SAMD5: variants seen among roughly 807,000 people sequenced by gnomAD.
SAMD5 encodes the protein sterile alpha motif domain containing 5, also known as sterile alpha motif domain-containing protein 5.
SAMD5 carries 13 observed loss-of-function variants against 11.3 expected under a neutral mutation model. The ratio of observed to expected loss-of-function variants is 1.15; its 90% confidence interval spans 0.75 to 1.83. The LOEUF (loss-of-function observed/expected upper bound fraction) is 1.83, where lower values mean the gene tolerates loss of function less well. Among genes scored for constraint, SAMD5 ranks in the 40% most tolerant of loss-of-function variants. The pLI is 0.00. For missense variants in SAMD5, 255 were observed against 239.1 expected (o/e 1.07, Z -0.44); for synonymous variants, 129 against 111.3 (o/e 1.16, Z -1.00).
At chr6:147,756,836 T>C in the SAMD5 span, among the ~76,000 whole-genome samples, 1 of 152,266 alleles carries the variant, frequency 6.6e-6, no homozygotes, top group African/African-American at 2.4e-5. Flanking sequence ...CTGATAGTCG[T>C]GTCGTGTAGC....
intron 1 of SAMD5, among the ~76,000 whole-genome samples, chr6:147,587,374 A>G (rs1389296995): frequency 2.6e-5 from 4 of 151,924 alleles, no homozygotes; most frequent in African/African-American, 4.8e-5. Context: ...AGTAGCTGGG[A>G]TTATAGGCAT....
intron 1 of SAMD5, among the ~76,000 whole-genome samples, chr6:147,555,656 A>G (rs374198296): frequency 7.2e-5 from 11 of 152,342 alleles, no homozygotes; most frequent in African/African-American, 2.2e-4. Flanking sequence ...CAAATGACCA[A>G]TACATGATAC....
At chr6:147,577,273 A>G (rs1418359307) in intron 1 of SAMD5, among the ~76,000 whole-genome samples, 1 of 152,252 alleles carries the variant, frequency 6.6e-6, no homozygotes, top group Non-Finnish European at 1.5e-5. Flanking sequence ...TAAAACTTCC[A>G]TGTCCACATT....
the SAMD5 span, among the ~76,000 whole-genome samples, chr6:147,831,968 C>T: frequency 3.9e-5 from 6 of 151,912 alleles, no homozygotes; most frequent in Non-Finnish European, 8.8e-5. Context: ...TCTTACACCA[C>T]ATTTTTCAAG....
intron 1 of SAMD5, among the ~76,000 whole-genome samples, chr6:147,578,663 T>C (rs555549895): frequency 6.6e-6 from 1 of 152,266 alleles, no homozygotes; most frequent in Admixed American, 6.5e-5. Context: ...TCATGTTAGG[T>C]ACTAAAATGC....
chr6:147,875,099 A>G, the SAMD5 span, among the ~76,000 whole-genome samples: 2 of 152,300 alleles, frequency 1.3e-5, no homozygotes, highest in Non-Finnish European at 2.9e-5. Flanking sequence ...CTTCATTTAA[A>G]ATAATAATAA....
intron 1 of SAMD5, among the ~76,000 whole-genome samples, chr6:147,712,010 G>C (rs1791407685): frequency 1.3e-5 from 2 of 152,164 alleles, no homozygotes; most frequent in African/African-American, 4.8e-5. Flanking sequence ...TTACAGGGGA[G>C]ATAAAGAAAT....
At position 147,621,116 on chromosome 6, in the gene SAMD5, T is replaced by G. The variant is rs576854868; in HGVS notation, c.162+111729T>G. Among the ~76,000 whole-genome samples the G allele has an allele frequency of 3.4e-4, 52 of 152,250 alleles. 1 individual carries two copies. Among genetic ancestry groups the G allele is most frequent in the African/African-American group, 1.1e-3 (45 of 41,540 alleles). The stretch of plus-strand genomic sequence containing the variant: ...TTACGTGTCGGGCTAATCACTTGAA[T>G]TTTACTCTGAAGTTAGAGCAGAATG... On this transcript the variant is annotated intron_variant, in intron 1 of 1. Transcript: ENST00000566741.
At chr6:147,909,030 G>A in the SAMD5 span, among the ~76,000 whole-genome samples, 2 of 152,130 alleles carry the variant, frequency 1.3e-5, no homozygotes, top group African/African-American at 2.4e-5. Flanking sequence ...GCAACATAGA[G>A]AGACTATGTC....
intron 1 of SAMD5, among the ~76,000 whole-genome samples, chr6:147,689,191 G>A (rs1160839608): frequency 6.6e-6 from 1 of 152,194 alleles, no homozygotes; most frequent in Non-Finnish European, 1.5e-5. Flanking sequence ...TCATGGGCCA[G>A]TAAGACCCAG....
At chr6:147,800,766 A>G in the SAMD5 span, among the ~76,000 whole-genome samples, 1 of 152,230 alleles carries the variant, frequency 6.6e-6, no homozygotes, top group Non-Finnish European at 1.5e-5. Flanking sequence ...AGTTTTCATG[A>G]TGAATCAAAT....
At chr6:147,572,609 A>G (rs1789153519), downstream of SAMD5, among the ~76,000 whole-genome samples, 1 of 152,138 alleles carries the variant, frequency 6.6e-6, no homozygotes, top group South Asian at 2.1e-4. Flanking sequence ...CCAATGTTGC[A>G]CTATTTGAAT....
chr6:147,581,339 T>C lies in SAMD5; in HGVS notation c.162+71952T>C, dbSNP rs367966584. Reference sequence around the variant, plus strand: ...GAGATATGTCCTTGGAAGTTACCTATATGTGTGCATCTCTGGAGAAAGATC... The same window carrying C: ...GAGATATGTCCTTGGAAGTTACCTACATGTGTGCATCTCTGGAGAAAGATC... On this transcript the variant is annotated intron_variant, in intron 1 of 1. Transcript: ENST00000566741. Among the ~76,000 whole-genome samples, 206 of 152,302 alleles carry C rather than the reference T, an allele frequency of 1.4e-3. 4 individuals carry two copies. The South Asian group carries it at 0.038, about 28-fold the overall frequency.
the SAMD5 span, among the ~76,000 whole-genome samples, chr6:147,922,679 A>G: frequency 1.3e-5 from 2 of 152,224 alleles, no homozygotes; most frequent in Non-Finnish European, 2.9e-5. Context: ...GATGTGTTCA[A>G]TAACTCGTGC....
chr6:147,719,991 A>G (rs1234710829), intron 1 of SAMD5, among the ~76,000 whole-genome samples: 1 of 152,240 alleles, frequency 6.6e-6, no homozygotes, highest in African/African-American at 2.4e-5. Flanking sequence ...TCTGAGAAAC[A>G]TGGATGTGCT....
At chr6:147,668,979 T>A (rs1406638486) in intron 1 of SAMD5, among the ~76,000 whole-genome samples, 1 of 152,088 alleles carries the variant, frequency 6.6e-6, no homozygotes, top group Non-Finnish European at 1.5e-5. Flanking sequence ...CTTCAGTGAG[T>A]TATAATCTTT....
the SAMD5 span, among the ~76,000 whole-genome samples, chr6:147,805,576 A>T: frequency 1.3e-5 from 2 of 152,240 alleles, no homozygotes; most frequent in African/African-American, 4.8e-5. Flanking sequence ...GTTTCAAGCT[A>T]GCAAGGATTT....
At chr6:147,746,661 T>C in the SAMD5 span, among the ~76,000 whole-genome samples, 4 of 152,222 alleles carry the variant, frequency 2.6e-5, no homozygotes, top group Non-Finnish European at 4.4e-5. Flanking sequence ...GCCAGTCCGA[T>C]GTCTTCAAGA....
chr6:147,632,018 G>T (rs1790158789), intron 1 of SAMD5, among the ~76,000 whole-genome samples: 1 of 152,196 alleles, frequency 6.6e-6, no homozygotes, highest in Admixed American at 6.5e-5. Context: ...AGAACAATTT[G>T]CCTTGTGTGG....
Sources: allele counts gnomAD v4.1 joint callset (sites outside exome capture counted in the v4.1 genomes callset), GRCh38; gene constraint gnomAD v4.1.1; transcripts MANE v1.5; gene names NCBI Gene and HGNC (gene_info 2026-07-23, HGNC 2026-07-21).